The following DCLRE1B variants were observed in gnomAD, a reference collection of about 807,000 sequenced individuals.
DCLRE1B encodes DNA cross-link repair 1B.
DCLRE1B carries 6 observed loss-of-function variants against 19.8 expected under a neutral mutation model. The ratio of observed to expected loss-of-function variants is 0.30; its 90% CI spans 0.17 to 0.60. The LOEUF is 0.60. DCLRE1B is among the 20% of genes least tolerant of loss of function. The pLI is 0.87. For missense variants in DCLRE1B, 622 were observed against 654.2 expected (o/e 0.95, Z 0.54); for synonymous variants, 258 against 255.7 (o/e 1.01, Z -0.09).
At chr1:113,909,781 AAT>A (rs1669185339) in intron 3 of DCLRE1B, among the ~76,000 whole-genome samples, 1 of 152,196 alleles carries the variant, frequency 6.6e-6, no homozygotes, top group African/African-American at 2.4e-5. Context: ...AGATGAATAA[AAT>A]ATAGTCTCTG....
At chr1:113,906,866 C>A in intron 1 of DCLRE1B, 130 bp from the exon 2 acceptor site, 1 of 952,896 alleles carries the variant, frequency 1.0e-6, no homozygotes, top group Non-Finnish European at 1.6e-6. Flanking sequence ...TGGGAATCCC[C>A]ATTACAGCTT....
upstream of DCLRE1B, chr1:113,904,756 G>GAGTTACCGTGGGA: frequency 6.5e-7 from 1 of 1,541,066 alleles, no homozygotes; most frequent in Non-Finnish European, 9.0e-7. Flanking sequence ...CAGCTCCCAC[G>GAGTTACCGTGGGA]GTAACTCGAG....
At chr1:113,907,825 G>A (rs1429351557) in intron 2 of DCLRE1B, among the ~76,000 whole-genome samples, 184 bp from the exon 3 acceptor site, 1 of 152,172 alleles carries the variant, frequency 6.6e-6, no homozygotes, top group Non-Finnish European at 1.5e-5. Flanking sequence ...TTGAAAAATA[G>A]GAGTAGGATG....
chr1:113,907,202 A>ATTTTTTTTTTTTTTTTT (rs756672653), intron 2 of DCLRE1B, 41 bp downstream of exon 2: 1 of 201,278 alleles, frequency 5.0e-6, no homozygotes, highest in Non-Finnish European at 7.6e-6. Context: ...TCCAGACTAG[A>ATTTTTTTTTTTTTTTTT]TGTTTTTTTT....
At chr1:113,904,781 C>T, upstream of DCLRE1B, 1 of 1,336,688 alleles carries the variant, frequency 7.5e-7, no homozygotes, top group South Asian at 1.2e-5. Context: ...CCTTCTCGTC[C>T]TGATGTGGGA....
Position 113,907,207 on chromosome 1 carries a change from T to A in DCLRE1B, c.355+46T>A, listed in dbSNP as rs11102701. 22,522 of 684,624 alleles carry A rather than the reference T, an allele frequency of 0.033. 1,849 individuals are homozygous for A. The highest frequency in any genetic ancestry group is 0.26 in the East Asian group (2,209 of 8,626). 42.4% of individuals were successfully genotyped at this position (684,624 alleles called of 1,614,324 possible). On this transcript the variant is annotated intron_variant, in intron 2 of 3. Coordinates refer to ENST00000650450, the MANE Select transcript of DCLRE1B (RefSeq NM_022836.4). ...CAGTGACTTCTCCAGACTAGATGTT[T>A]TTTTTTTTTTTTTTTTTTTTTTTTT...
In DCLRE1B at chr1:113,911,364, A is replaced by G; in HGVS notation, c.772A>G (p.Ser258Gly). The G allele has an allele frequency of 1.8e-5, 29 of 1,614,134 alleles. No individual in the cohort carries two copies. Among genetic ancestry groups the G allele is most frequent in the Non-Finnish European group, 2.5e-5 (29 of 1,180,034 alleles). The change falls in exon 4 of 4, where the codon AGC becomes GGC. Residue 258 changes from serine (S) to glycine (G), a missense_variant. By Grantham distance (56) the Ser-to-Gly change is moderately conservative (BLOSUM62 0). Transcript: ENST00000650450. ...CCCTACGATTGCTATCCTTCCCACA[A>G]GCCGAAAAATCCACAGCTCCCACCC... Reference protein sequence around the residue: ...THPTIAILPTSRKIHSSHPDI... With the variant: ...THPTIAILPTGRKIHSSHPDI...
At chr1:113,906,560 G>A (rs1439393440) in intron 1 of DCLRE1B, among the ~76,000 whole-genome samples, 2 of 149,176 alleles carry the variant, frequency 1.3e-5, no homozygotes, top group African/African-American at 4.9e-5. Flanking sequence ...GCGCAAACTC[G>A]GCTCACTGCA....
chr1:113,906,940 C>A, intron 1 of DCLRE1B, 56 bp from the exon 2 acceptor site: 2 of 1,594,168 alleles, frequency 1.3e-6, no homozygotes, highest in Non-Finnish European at 1.7e-6. Context: ...GTCCCTGACC[C>A]GGGGAGGTAA....
rs755854199 is a variant in DCLRE1B, at chr1:113,905,654, C to G, written c.68C>G (p.Thr23Ser). ...TTCTGGAGCCTGCGCCGGGCTGGCA[C>G]CGCACGTCTCTTCTTCTTGTCTCAC... ...VDFWSLRRAG[T>S]ARLFFLSHMH... Residue 23 changes from threonine (T) to serine (S), a missense_variant, in exon 1 of 4, where the codon ACC becomes AGC. Thr to Ser is a moderately conservative substitution (Grantham distance 58, BLOSUM62 1). Transcript: ENST00000650450. The G allele has an allele frequency of 1.9e-6, 3 of 1,614,216 alleles. No individual in the cohort carries two copies. The highest frequency in any genetic ancestry group is 2.5e-6 in the Non-Finnish European group (3 of 1,180,034).
rs2101076391 is a variant in DCLRE1B, at chr1:113,912,306, ACT to A, written c.*118_*119del. ...GGGCCTACTTTTCTATCTTTACAAG[ACT>A]CTTATGGGCCCACCGTGGAGCAGCA... On this transcript the variant is annotated 3_prime_UTR_variant, in exon 4 of 4. Transcript: ENST00000650450. 15 of 1,101,352 alleles carry A rather than the reference ACT, an allele frequency of 1.4e-5. No individual in the cohort carries two copies. The South Asian group carries it at 2.3e-4, about 17-fold the overall frequency. 68.2% of individuals were successfully genotyped at this position (1,101,352 alleles called of 1,614,324 possible).
intron 1 of DCLRE1B, among the ~76,000 whole-genome samples, chr1:113,906,174 G>A (rs1261501473): frequency 2.0e-5 from 3 of 146,638 alleles, no homozygotes; most frequent in Non-Finnish European, 3.0e-5. Flanking sequence ...CTCCTGTCTC[G>A]GCCTCCTGAG....
At position 113,909,175 on chromosome 1, in the gene DCLRE1B, C is replaced by A. The variant is rs370445448; in HGVS notation, c.538+984C>A. On this transcript the variant is annotated intron_variant, in intron 3 of 3. Coordinates refer to ENST00000650450, the MANE Select transcript of DCLRE1B (RefSeq NM_022836.4). ...CACAAATGCCTACACTAATGCCTGA[C>A]ACAGAAGCATTCAATATGAATGAAT... 3.3e-5 allele frequency among the ~76,000 whole-genome samples: 5 copies of A among 152,254 alleles called. No homozygotes were observed. In the East Asian group the frequency reaches 9.6e-4, roughly 29 times the overall value.
In DCLRE1B at chr1:113,911,583, T is replaced by C. The variant is rs767992395; in HGVS notation, c.991T>C (p.Ser331Pro). ...DSVQQYMSSS[S>P]RKPSLLWLLE... The stretch of plus-strand genomic sequence containing the variant: ...TGTACAGCAATACATGAGTTCTTCC[T>C]CTAGAAAACCAAGCCTTCTCTGGCT... Residue 331 changes from serine to proline, a missense_variant, in exon 4 of 4, where the codon TCT becomes CCT. Ser to Pro is a moderately conservative substitution (Grantham distance 74, BLOSUM62 -1). Coordinates refer to ENST00000650450, the MANE Select transcript of DCLRE1B (RefSeq NM_022836.4). 6.3e-7 allele frequency: 1 copy of C among 1,598,406 alleles called. No homozygotes were observed. The highest frequency in any genetic ancestry group is 1.1e-5 in the South Asian group (1 of 88,866).
rs1433399553 is a variant in DCLRE1B, at chr1:113,913,558, A to G, written c.*1367A>G. Reference sequence around the variant, plus strand: ...CTAGGCTCGAATCTGTGGCACCCTGAGCAATTACTTAAATTGTGGAGCCTA... The same window carrying G: ...CTAGGCTCGAATCTGTGGCACCCTGGGCAATTACTTAAATTGTGGAGCCTA... On this transcript the variant is annotated 3_prime_UTR_variant, in exon 4 of 4. Transcript: ENST00000650450. 6.5e-6 allele frequency: 1 copy of G among 152,682 alleles called. No individual in the cohort carries two copies. Among genetic ancestry groups the G allele is most frequent in the Non-Finnish European group, 1.5e-5 (1 of 68,044 alleles). 9.5% of individuals were successfully genotyped at this position (152,682 alleles called of 1,614,324 possible).
intron 3 of DCLRE1B, among the ~76,000 whole-genome samples, chr1:113,910,614 G>A (rs945238977): frequency 3.9e-5 from 6 of 151,958 alleles, no homozygotes; most frequent in East Asian, 1.9e-4. Context: ...TGATCCTCCC[G>A]CGTCAGCTTC....
Position 113,908,258 on chromosome 1 carries a change from C to T in DCLRE1B, c.538+67C>T, listed in dbSNP as rs192972292. 2.1e-5 allele frequency: 32 copies of T among 1,550,162 alleles called. No individual in the cohort carries two copies. In the African/African-American group the frequency reaches 4.2e-4, roughly 21 times the overall value. On this transcript the variant is annotated intron_variant, in intron 3 of 3. Coordinates refer to ENST00000650450, the MANE Select transcript of DCLRE1B (RefSeq NM_022836.4). ...GAACTAGATTCTTTAAGGATTCTCA[C>T]ATCTTTCAGATCTTTGTGCAGTTCT...
At chr1:113,906,933 C>T (rs1669035563) in intron 1 of DCLRE1B, 63 bp from the exon 2 acceptor site, 9 of 1,584,536 alleles carry the variant, frequency 5.7e-6, no homozygotes, top group Middle Eastern at 1.7e-4. Context: ...AGGGATAGTC[C>T]CTGACCCGGG....
intron 3 of DCLRE1B, among the ~76,000 whole-genome samples, chr1:113,909,782 A>G (rs1243418290): frequency 2.0e-5 from 3 of 152,216 alleles, no homozygotes; most frequent in Non-Finnish European, 4.4e-5. Context: ...GATGAATAAA[A>G]TATAGTCTCT....
Sources: allele counts gnomAD v4.1 joint callset (sites outside exome capture counted in the v4.1 genomes callset), GRCh38; gene constraint gnomAD v4.1.1; transcripts MANE v1.5; gene names NCBI Gene and HGNC (gene_info 2026-07-23, HGNC 2026-07-21).